The following BBS2 variants were observed in gnomAD, a reference collection of about 807,000 sequenced individuals.
The protein encoded by BBS2 is BBSome complex member BBS2.
BBS2 carries 62 observed loss-of-function variants against 83.0 expected under a neutral mutation model. That is an observed-to-expected ratio of 0.75 (90% CI 0.61 to 0.92). BBS2 has a LOEUF of 0.92. Ranked by LOEUF, BBS2 falls within the 40% of genes least tolerant of loss-of-function variation. The probability of loss-of-function intolerance (pLI) is 0.00; values close to 1 mark genes in which losing one functional copy is unlikely to be tolerated. For synonymous variants in BBS2, 303 were observed against 326.1 expected, an observed-to-expected ratio of 0.93 and a Z score of 0.76; for missense variants, 784 against 901.0, an observed-to-expected ratio of 0.87 and a Z score of 1.66.
At chr16:56,481,165 G>T (rs1963655765), downstream of BBS2, among the ~76,000 whole-genome samples, 1 of 151,936 alleles carries the variant, frequency 6.6e-6, no homozygotes, top group African/African-American at 2.4e-5. Context: ...AATCTTTCTT[G>T]TAAAACACTT....
rs1340260810 is a variant in BBS2, at chr16:56,485,679, C to A, written c.1970G>T (p.Gly657Val). Reference protein sequence around the residue: ...LYDLNRDLLNGYKIRCNNHTE... With the variant: ...LYDLNRDLLNVYKIRCNNHTE... ...GTGATTGTTACAGCGAATTTTATAT[C>A]CATTTAGCAAGTCTCTATTAAGGTC... The change falls in exon 16 of 17, where the codon GGA becomes GTA. Residue 657 changes from glycine to valine, a missense_variant. Gly to Val is a moderately radical substitution (Grantham distance 109). Coordinates refer to ENST00000245157, the MANE Select transcript of BBS2 (RefSeq NM_031885.5). 1 of 1,613,932 alleles carries A rather than the reference C, an allele frequency of 6.2e-7. No homozygotes were observed. The highest frequency in any genetic ancestry group is 1.6e-4 in the Middle Eastern group (1 of 6,062).
rs1964303062 is a variant in BBS2, at chr16:56,502,466, A to G, written c.941-10T>C. The G allele has an allele frequency of 2.5e-6, 4 of 1,614,200 alleles. No homozygotes were observed. Among genetic ancestry groups the G allele is most frequent in the Non-Finnish European group, 3.4e-6 (4 of 1,180,038 alleles). ...GGCAGGTAGCCCCGGACTGAACAGA[A>G]GGAAAAAACCGCAAGTATAACCAGG... On this transcript the variant is annotated splice_polypyrimidine_tract_variant and intron_variant, in intron 8 of 16. Coordinates refer to ENST00000245157, the MANE Select transcript of BBS2 (RefSeq NM_031885.5).
intron 1 of BBS2, among the ~76,000 whole-genome samples, chr16:56,518,895 T>C (rs1035964704): frequency 1.3e-5 from 2 of 152,248 alleles, no homozygotes; most frequent in African/African-American, 4.8e-5. Flanking sequence ...TCTCACATCT[T>C]GCCCAGTAAT....
At chr16:56,502,150 G>A in intron 9 of BBS2, 167 bp downstream of exon 9, 1 of 904,194 alleles carries the variant, frequency 1.1e-6, no homozygotes, top group East Asian at 2.4e-5. Flanking sequence ...TTAACTACCT[G>A]GAAATGAAAT....
chr16:56,479,497 T>C (rs1963605864), downstream of BBS2, among the ~76,000 whole-genome samples: 1 of 152,138 alleles, frequency 6.6e-6, no homozygotes, highest in Non-Finnish European at 1.5e-5. Context: ...AGCTTTCTGT[T>C]TTTTCAGACT....
chr16:56,499,786 C>A lies in BBS2; in HGVS notation c.1519G>T (p.Ala507Ser). The A allele has an allele frequency of 6.2e-7, 1 of 1,614,096 alleles. No homozygotes were observed. The highest frequency in any genetic ancestry group is 8.5e-7 in the Non-Finnish European group (1 of 1,179,962). The change falls in exon 12 of 17, where the codon GCA becomes TCA. Residue 507 changes from alanine (A) to serine (S), a missense_variant. By Grantham distance (99) the Ala-to-Ser change is moderately conservative. Coordinates refer to ENST00000245157, the MANE Select transcript of BBS2 (RefSeq NM_031885.5). ...SYVNFTIAER[A>S]QRVVVWLGQN... ...AAAAGCGAGATACTCACCCTCTGTG[C>A]CCGTTCTGCAATGGTAAAGTTAACA...
chr16:56,473,398 T>G (rs530586041), intron 17 of BBS2, among the ~76,000 whole-genome samples: 8 of 152,346 alleles, frequency 5.3e-5, no homozygotes, highest in Admixed American at 5.2e-4. Context: ...TGTTGAGCAT[T>G]TAGATTTTTT....
downstream of BBS2, among the ~76,000 whole-genome samples, chr16:56,481,204 C>T (rs1352998472): frequency 1.3e-5 from 2 of 151,888 alleles, no homozygotes; most frequent in East Asian, 3.9e-4. Context: ...TTTAAAGTTC[C>T]TAGTTCTTTG....
intron 17 of BBS2, among the ~76,000 whole-genome samples, chr16:56,475,182 C>T (rs1417140748): frequency 6.6e-6 from 1 of 152,182 alleles, no homozygotes; most frequent in Non-Finnish European, 1.5e-5. Context: ...CCATAATTTT[C>T]CCCTAAGTGT....
chr16:56,483,853 C>T (rs532325845), downstream of BBS2, among the ~76,000 whole-genome samples: 1 of 151,734 alleles, frequency 6.6e-6, no homozygotes, highest in Non-Finnish European at 1.5e-5. Context: ...GTGTCCACCA[C>T]CAAACCTGGC....
At position 56,519,916 on chromosome 16, in the gene BBS2, G is replaced by T. The variant is rs1160325252; in HGVS notation, c.-54C>A. 6.7e-7 allele frequency: 1 copy of T among 1,498,012 alleles called. No individual in the cohort carries two copies. The highest frequency in any genetic ancestry group is 9.3e-7 in the Non-Finnish European group (1 of 1,076,724). 92.8% of individuals were successfully genotyped at this position (1,498,012 alleles called of 1,614,324 possible). A position where few individuals can be genotyped will look rare whatever the true frequency, so the allele number is the denominator to read the frequency against. ...GGAAGCTGGAGACAAGCGCAGCGGA[G>T]CTGGCCTCACGCGCCCGGGCAAGAA... On this transcript the variant is annotated 5_prime_UTR_variant, in exon 1 of 17. Transcript: ENST00000245157.
chr16:56,517,540 C>CGGG (rs1964785662), intron 1 of BBS2, among the ~76,000 whole-genome samples: 1 of 152,238 alleles, frequency 6.6e-6, no homozygotes, highest in African/African-American at 2.4e-5. Flanking sequence ...AGACACCAAG[C>CGGG]TCCCATCACA....
chr16:56,476,605 T>C (rs1963487569), intron 17 of BBS2: 1 of 153,844 alleles, frequency 6.5e-6, no homozygotes, highest in Non-Finnish European at 1.4e-5. Context: ...CCATCATCCA[T>C]CTCCAGAAGT....
In BBS2 at chr16:56,519,818, G is replaced by A. The variant is rs1354385806; in HGVS notation, c.45C>T (p.Ser15=). The A allele has an allele frequency of 2.5e-6, 4 of 1,613,752 alleles. No homozygotes were observed. The highest frequency in any genetic ancestry group is 2.5e-6 in the Non-Finnish European group (3 of 1,179,838). Residue 15 remains serine, a synonymous_variant, in exon 1 of 17, where the codon AGC becomes AGT. Transcript: ENST00000245157. ...AGCGCCCTATGGCCACCATTCGGGG[G>A]CTGATTTTGTGGCGCAGTTTCAGGG... ...VFTLKLRHKI[S]PRMVAIGRYD...
At chr16:56,476,930 G>C (rs111625702) in intron 17 of BBS2, 5,999 of 152,360 alleles carry the variant, frequency 0.039, 149 homozygotes, top group East Asian at 0.13. Flanking sequence ...AGGAGTTAAA[G>C]ACCAGCCTGA....
intron 5 of BBS2, chr16:56,509,339 TAA>T: frequency 6.5e-6 from 1 of 154,772 alleles, no homozygotes; most frequent in Non-Finnish European, 1.4e-5. Flanking sequence ...CCGTCTCTAT[TAA>T]AAACACAAAA....
intron 7 of BBS2, among the ~76,000 whole-genome samples, chr16:56,503,300 GT>G (rs1335517628): frequency 1.3e-5 from 2 of 152,310 alleles, no homozygotes; most frequent in Non-Finnish European, 2.9e-5. Context: ...GCCTAATGAA[GT>G]TAACATATAT....
rs1964874201 is a variant in BBS2, at chr16:56,519,918, T to C, written c.-56A>G. 15 of 1,473,416 alleles carry C rather than the reference T, an allele frequency of 1.0e-5. No individual in the cohort carries two copies. The highest frequency in any genetic ancestry group is 6.8e-5 in the Admixed American group (4 of 59,024). The allele number at this position is 1,473,416 out of a possible 1,614,324, so 91.3% of individuals were successfully genotyped here. A position where few individuals can be genotyped will look rare whatever the true frequency, so the allele number is the denominator to read the frequency against. ...AAGCTGGAGACAAGCGCAGCGGAGC[T>C]GGCCTCACGCGCCCGGGCAAGAAGT... On this transcript the variant is annotated 5_prime_UTR_variant, in exon 1 of 17. Coordinates refer to ENST00000245157, the MANE Select transcript of BBS2 (RefSeq NM_031885.5).
At chr16:56,480,352 C>CCAAAAAAAA (rs1555519770), downstream of BBS2, among the ~76,000 whole-genome samples, 1 of 76,590 alleles carries the variant, frequency 1.3e-5, no homozygotes, top group African/African-American at 7.2e-5. Flanking sequence ...CACACACACA[C>CCAAAAAAAA]AAAAAAAAAA....
Sources: allele counts gnomAD v4.1 joint callset (sites outside exome capture counted in the v4.1 genomes callset), GRCh38; gene constraint gnomAD v4.1.1; transcripts MANE v1.5; gene names NCBI Gene and HGNC (gene_info 2026-07-23, HGNC 2026-07-21).